Variants in SENP7 observed in about 807,000 individuals in gnomAD.
SENP7 encodes sentrin-specific protease 7.
Under a neutral mutation model 141.2 loss-of-function variants are expected in SENP7, and 64 were observed. That is an observed-to-expected ratio of 0.45 (90% confidence interval 0.37 to 0.56). SENP7 has a LOEUF of 0.56. SENP7 is among the 20% of genes least tolerant of loss of function. SENP7 has a pLI of 0.00. For synonymous variants in SENP7, 382 were observed against 426.4 expected (o/e 0.90, Z 1.28); for missense variants, 1,025 against 1,212.2 (o/e 0.85, Z 2.29).
At chr3:101,335,349 T>G (rs1210152736) in intron 17 of SENP7, among the ~76,000 whole-genome samples, 3 of 152,170 alleles carry the variant, frequency 2.0e-5, no homozygotes, top group Admixed American at 2.0e-4. Context: ...TTGATGTGGA[T>G]TTATTGGCCA....
At chr3:101,509,744 A>G (rs2065773378) in intron 1 of SENP7, among the ~76,000 whole-genome samples, 1 of 152,252 alleles carries the variant, frequency 6.6e-6, no homozygotes, top group Admixed American at 6.5e-5. Context: ...TAAGAAAGTT[A>G]TACCATCAGG....
intron 15 of SENP7, among the ~76,000 whole-genome samples, chr3:101,340,960 T>G (rs1455114026): frequency 2.0e-5 from 3 of 152,192 alleles, no homozygotes; most frequent in African/African-American, 7.2e-5. Context: ...AGGTATAATA[T>G]GTACTTCTTG....
chr3:101,460,111 G>A (rs1408910012), intron 3 of SENP7, among the ~76,000 whole-genome samples: 1 of 152,076 alleles, frequency 6.6e-6, no homozygotes, highest in Non-Finnish European at 1.5e-5. Flanking sequence ...AACTATTTTG[G>A]TTAGCAGTTG....
At chr3:101,412,443 A>G (rs1451266394) in intron 5 of SENP7, among the ~76,000 whole-genome samples, 4 of 152,132 alleles carry the variant, frequency 2.6e-5, no homozygotes, top group Non-Finnish European at 5.9e-5. Context: ...TTTTAAGTGA[A>G]TAATTATCAC....
rs72942266 is a variant in SENP7, at chr3:101,460,188, T to C, written c.187-1136A>G. ...CTACCAAAATTCCAACAGCCTGTTT[T>C]GCAGAAATGGACAAACTGATCTGAT... On this transcript the variant is annotated intron_variant, in intron 3 of 23. Transcript: ENST00000394095. Among the ~76,000 whole-genome samples the C allele has an allele frequency of 2.4e-3, 360 of 152,318 alleles. 1 individual carries two copies. The highest frequency in any genetic ancestry group is 8.1e-3 in the African/African-American group (337 of 41,574).
intron 4 of SENP7, among the ~76,000 whole-genome samples, chr3:101,448,351 A>C (rs1311455753): frequency 6.6e-6 from 1 of 152,248 alleles, no homozygotes. Context: ...TATACCTGAT[A>C]AGGGACTTGT....
At chr3:101,395,514 A>T (rs2060942105) in intron 6 of SENP7, among the ~76,000 whole-genome samples, 1 of 152,150 alleles carries the variant, frequency 6.6e-6, no homozygotes, top group African/African-American at 2.4e-5. Flanking sequence ...TTTTTATACC[A>T]TGCTGTTTTG....
In SENP7 at chr3:101,328,642, C is replaced by T; in HGVS notation, c.2795+4G>A. The T allele has an allele frequency of 1.2e-6, 2 of 1,608,076 alleles. No homozygotes were observed. The highest frequency in any genetic ancestry group is 1.7e-6 in the Non-Finnish European group (2 of 1,176,046). On this transcript the variant is annotated splice_donor_region_variant and intron_variant, in intron 21 of 23. Coordinates refer to ENST00000394095, the MANE Select transcript of SENP7 (RefSeq NM_020654.5). The stretch of plus-strand genomic sequence containing the variant: ...ACTGTATTATTATTACAGCATGTAC[C>T]TACCTTTTACACATTTTCTTTGGTA...
At chr3:101,407,578 C>A (rs2061341113) in intron 5 of SENP7, among the ~76,000 whole-genome samples, 1 of 152,058 alleles carries the variant, frequency 6.6e-6, no homozygotes, top group South Asian at 2.1e-4. Flanking sequence ...TGAAATTACA[C>A]CAAGCACTCT....
At chr3:101,427,009 A>G (rs112980883) in intron 4 of SENP7, among the ~76,000 whole-genome samples, 14,240 of 152,226 alleles carry the variant, frequency 0.094, 780 homozygotes, top group African/African-American at 0.15. Flanking sequence ...GGCCAGCATC[A>G]TCCTGATACA....
chr3:101,437,668 A>AC (rs1246243477), intron 4 of SENP7, among the ~76,000 whole-genome samples: 1 of 152,044 alleles, frequency 6.6e-6, no homozygotes, highest in Non-Finnish European at 1.5e-5. Context: ...ATGTGATCAC[A>AC]CCACTGCACT....
rs143835057 is a variant in SENP7 at position 101,441,706 on chromosome 3, ACCCATGTTAC to A, written c.284+17239_284+17248del. On this transcript the variant is annotated intron_variant, in intron 4 of 23. Transcript: ENST00000394095. ...TGCCTGGACCCTAACCACCACCCTA[ACCCATGTTAC>A]CACCAGGAATCCCAAGAACTGGCAC... 2.3e-3 allele frequency among the ~76,000 whole-genome samples: 346 copies of A among 151,700 alleles called. 1 individual carries two copies. The highest frequency in any genetic ancestry group is 7.8e-3 in the African/African-American group (324 of 41,322).
chr3:101,496,055 A>G (rs2065146426), intron 2 of SENP7, among the ~76,000 whole-genome samples: 1 of 152,204 alleles, frequency 6.6e-6, no homozygotes, highest in Non-Finnish European at 1.5e-5. Flanking sequence ...AGTAGGAAAA[A>G]AGATTACAAG....
At chr3:101,383,071 G>A (rs894710878) in intron 6 of SENP7, among the ~76,000 whole-genome samples, 6 of 152,182 alleles carry the variant, frequency 3.9e-5, no homozygotes, top group Non-Finnish European at 8.8e-5. Context: ...AATTGTCCCT[G>A]ACCAAATCTC....
intron 5 of SENP7, among the ~76,000 whole-genome samples, chr3:101,401,749 A>G (rs1331472758): frequency 6.6e-6 from 1 of 152,146 alleles, no homozygotes; most frequent in Non-Finnish European, 1.5e-5. Flanking sequence ...CTGCAGAAGA[A>G]AAGTTGGTTT....
intron 3 of SENP7, among the ~76,000 whole-genome samples, chr3:101,486,820 C>G (rs1455072408): frequency 3.9e-5 from 6 of 152,156 alleles, no homozygotes; most frequent in African/African-American, 1.4e-4. Context: ...TTAAAAGATA[C>G]AGAACTGCAG....
At chr3:101,459,822 G>A (rs1398917492) in intron 3 of SENP7, among the ~76,000 whole-genome samples, 3 of 152,034 alleles carry the variant, frequency 2.0e-5, no homozygotes, top group Non-Finnish European at 2.9e-5. Context: ...AAGGTTGCTC[G>A]ACTAATTCAG....
chr3:101,500,265 A>C (rs1047188333), intron 2 of SENP7, among the ~76,000 whole-genome samples: 5 of 152,238 alleles, frequency 3.3e-5, no homozygotes, highest in African/African-American at 7.2e-5. Flanking sequence ...AAAAAAAATT[A>C]TCTCTATATG....
intron 3 of SENP7, among the ~76,000 whole-genome samples, chr3:101,473,368 C>A (rs533629108): frequency 6.6e-6 from 1 of 152,152 alleles, no homozygotes; most frequent in African/African-American, 2.4e-5. Context: ...ATAACCATTC[C>A]TTTTTCTCCA....
Sources: allele counts gnomAD v4.1 joint callset (sites outside exome capture counted in the v4.1 genomes callset), GRCh38; gene constraint gnomAD v4.1.1; transcripts MANE v1.5; gene names NCBI Gene and HGNC (gene_info 2026-07-23, HGNC 2026-07-21).